Variants in PSG11 observed in about 807,000 individuals in gnomAD.
The protein encoded by PSG11 is pregnancy specific beta-1-glycoprotein 11, also known as pregnancy-specific beta-1-glycoprotein 11.
A neutral mutation model predicts 36.0 loss-of-function variants in PSG11; 42 were observed. The ratio of observed to expected loss-of-function variants is 1.17; its 90% CI spans 0.91 to 1.51. PSG11 has a LOEUF of 1.51. PSG11 is among the 40% of genes most tolerant of loss of function. The probability of loss-of-function intolerance (pLI) is 0.00; values close to 1 mark genes in which losing one functional copy is unlikely to be tolerated. For synonymous variants in PSG11, 206 were observed against 153.5 expected (o/e 1.34, Z -2.53); for missense variants, 558 against 403.5 (o/e 1.38, Z -3.28).
rs1357758016 is a variant in PSG11 at position 43,020,693 on chromosome 19, C to G, written c.431-1645G>C. Among the ~76,000 whole-genome samples the G allele has an allele frequency of 2.6e-5, 4 of 151,338 alleles. 1 individual carries two copies. The East Asian group carries it at 7.8e-4, about 29-fold the overall frequency. On this transcript the variant is annotated intron_variant, in intron 2 of 5. Coordinates refer to ENST00000320078, the MANE Select transcript of PSG11 (RefSeq NM_002785.3). ...AAAGGTGATTTGAAATTAGCAGCTC[C>G]TTAAGTAGAGAGAGTCCCGTTAAAA...
At position 43,007,705 on chromosome 19, in the gene PSG11, AT is replaced by A. The variant is rs2122775856; in HGVS notation, c.*377del. On this transcript the variant is annotated 3_prime_UTR_variant, in exon 6 of 6. Coordinates refer to ENST00000320078, the MANE Select transcript of PSG11 (RefSeq NM_002785.3). ...ACCATAAACATATGAATATTCATGA[AT>A]AGATTCCCAATTCTGGGGCACTCAG... is the stretch of plus-strand genomic sequence containing the variant. The A allele has an allele frequency of 5.4e-6, 1 of 184,834 alleles. No individual in the cohort carries two copies. The highest frequency in any genetic ancestry group is 2.4e-5 in the African/African-American group (1 of 42,274). The allele number at this position is 184,834 out of a possible 1,614,324, so 11.4% of individuals were successfully genotyped here.
Position 43,024,821 on chromosome 19 carries a change from T to C in PSG11, c.300A>G (p.Thr100=), listed in dbSNP as rs761098307. 4.3e-6 allele frequency: 7 copies of C among 1,611,946 alleles called. No individual in the cohort carries two copies. The highest frequency in any genetic ancestry group is 5.9e-6 in the Non-Finnish European group (7 of 1,179,126). ...IYGPAYSGRE[T]VYSNASLLIQ... Reference sequence around the variant, plus strand: ...TCAGCAGGGATGCATTGGAATATACTGTTTCTCGTCCACTGTATGCCGGTC... The same window carrying C: ...TCAGCAGGGATGCATTGGAATATACCGTTTCTCGTCCACTGTATGCCGGTC... Residue 100 remains threonine (T), a synonymous_variant, in exon 2 of 6, where the codon ACA becomes ACG. Coordinates refer to ENST00000320078, the MANE Select transcript of PSG11 (RefSeq NM_002785.3).
chr19:43,026,119 T>C (rs1967248494), intron 1 of PSG11, among the ~76,000 whole-genome samples, 190 bp downstream of exon 1: 1 of 150,108 alleles, frequency 6.7e-6, no homozygotes, highest in African/African-American at 2.5e-5. Flanking sequence ...TTTTTTGTAC[T>C]TTTAGAAGAG....
chr19:43,007,663 G>C lies in PSG11; in HGVS notation c.*420C>G, dbSNP rs1973963194. 1 of 159,172 alleles carries C rather than the reference G, an allele frequency of 6.3e-6. No homozygotes were observed. The allele number at this position is 159,172 out of a possible 1,614,324, so 9.9% of individuals were successfully genotyped here. A position where few individuals can be genotyped will look rare whatever the true frequency, so the allele number is the denominator to read the frequency against. On this transcript the variant is annotated 3_prime_UTR_variant, in exon 6 of 6. Transcript: ENST00000320078. ...AAGAGAGCAGATTCTTACTAAACTTGTGCAAATAACTTTATTACCATAAAC... is the reference window on the plus strand; with the variant it reads ...AAGAGAGCAGATTCTTACTAAACTTCTGCAAATAACTTTATTACCATAAAC...
chr19:43,022,003 G>GGAGAAATTTA (rs1187460386), intron 2 of PSG11, among the ~76,000 whole-genome samples: 7 of 151,340 alleles, frequency 4.6e-5, no homozygotes, highest in African/African-American at 1.7e-4. Flanking sequence ...GCTAACCTTG[G>GGAGAAATTTA]GAGAAATTTA....
intron 3 of PSG11, chr19:43,016,019 T>C: frequency 1.2e-6 from 2 of 1,610,228 alleles, no homozygotes; most frequent in Non-Finnish European, 1.7e-6. Flanking sequence ...AAGTTGTTGA[T>C]GGTGATGTAG....
intron 4 of PSG11, among the ~76,000 whole-genome samples, chr19:43,011,885 G>C (rs559531190): frequency 1.4e-5 from 2 of 146,550 alleles, no homozygotes; most frequent in South Asian, 2.2e-4. Flanking sequence ...TACAGAGTGA[G>C]AGTCTGTCTC....
At position 43,009,584 on chromosome 19, in the gene PSG11, C is replaced by G. The variant is rs2883537; in HGVS notation, c.*40+374G>C. Among the ~76,000 whole-genome samples the G allele has an allele frequency of 4.9e-4, 74 of 151,510 alleles. 3 individuals are homozygous for G. The highest frequency in any genetic ancestry group is 2.9e-3 in the East Asian group (15 of 5,144). ...TAATGAGGCAGTTATATGCAAGGAA[C>G]ATTTCAAAGTCTGGAGACAAGAAGT... On this transcript the variant is annotated intron_variant, in intron 5 of 5. Transcript: ENST00000320078.
chr19:43,025,741 A>G (rs1270373843), intron 1 of PSG11, among the ~76,000 whole-genome samples: 1 of 147,598 alleles, frequency 6.8e-6, no homozygotes, highest in Admixed American at 6.8e-5. Context: ...GTGTCATCTG[A>G]TATAGTTATT....
At chr19:43,024,439 C>T in intron 2 of PSG11, 1 of 585,296 alleles carries the variant, frequency 1.7e-6, no homozygotes, top group South Asian at 2.0e-5. Context: ...GACTGATCTC[C>T]TCCTGCTGAG....
At chr19:43,020,409 T>C (rs1293150206) in intron 2 of PSG11, among the ~76,000 whole-genome samples, 7 of 151,318 alleles carry the variant, frequency 4.6e-5, no homozygotes, top group Non-Finnish European at 1.0e-4. Flanking sequence ...GATTTCTGGA[T>C]TTGGGATGCT....
At chr19:43,017,231 T>A (rs1476465107) in intron 3 of PSG11, 2 of 151,426 alleles carry the variant, frequency 1.3e-5, no homozygotes, top group Non-Finnish European at 2.9e-5. Flanking sequence ...GGACAAAAAG[T>A]GTTTTGGATT....
chr19:43,014,251 A>G (rs1297382249), intron 4 of PSG11: 10 of 704,562 alleles, frequency 1.4e-5, no homozygotes, highest in Non-Finnish European at 1.6e-5. Flanking sequence ...GCCTTATATT[A>G]GATATATATA....
At chr19:43,016,535 G>T (rs75865548) in intron 3 of PSG11, among the ~76,000 whole-genome samples, 61 of 148,852 alleles carry the variant, frequency 4.1e-4, no homozygotes, top group South Asian at 6.4e-4. Context: ...ATACTGAGCA[G>T]CCTGGCCTGG....
Position 43,015,661 on chromosome 19 carries a change from C to T in PSG11, c.710-291G>A. The T allele has an allele frequency of 1.3e-6, 2 of 1,539,080 alleles. 1 individual carries two copies. ...GGGAGTCATGGCCACCTCGGATGTC[C>T]AAAAGTAAAGGTGTCTGTACTTGGA... On this transcript the variant is annotated intron_variant, in intron 3 of 5. Transcript: ENST00000320078.
chr19:43,021,775 T>C (rs1158494459), intron 2 of PSG11, among the ~76,000 whole-genome samples: 1 of 151,562 alleles, frequency 6.6e-6, no homozygotes, highest in African/African-American at 2.4e-5. Flanking sequence ...TAGGAAGTGA[T>C]CAGAGAATGT....
intron 2 of PSG11, among the ~76,000 whole-genome samples, chr19:43,020,703 G>C (rs1156472154): frequency 1.3e-5 from 2 of 151,282 alleles, no homozygotes; most frequent in Non-Finnish European, 2.9e-5. Context: ...CTTAAGTAGA[G>C]AGAGTCCCGT....
At chr19:43,013,838 A>G (rs559996235) in intron 4 of PSG11, among the ~76,000 whole-genome samples, 1 of 151,636 alleles carries the variant, frequency 6.6e-6, no homozygotes, top group South Asian at 2.1e-4. Context: ...GAGAAGCATT[A>G]CTCACACTAG....
chr19:43,015,400 A>G (rs1171847962), intron 3 of PSG11, 30 bp from the exon 4 acceptor site: 1 of 1,594,478 alleles, frequency 6.3e-7, no homozygotes, highest in Non-Finnish European at 8.5e-7. Flanking sequence ...GCCACAGTTG[A>G]TGTCATCTGA....
Sources: allele counts gnomAD v4.1 joint callset (sites outside exome capture counted in the v4.1 genomes callset), GRCh38; gene constraint gnomAD v4.1.1; transcripts MANE v1.5; gene names NCBI Gene and HGNC (gene_info 2026-07-23, HGNC 2026-07-21).